The following RYR3 variants were observed in gnomAD, a reference collection of about 807,000 sequenced individuals.
The protein encoded by RYR3 is brain ryanodine receptor-calcium release channel.
RYR3 carries 207 observed loss-of-function variants against 584.3 expected under a neutral mutation model. The ratio of observed to expected loss-of-function variants is 0.35; its 90% confidence interval spans 0.32 to 0.40. The LOEUF (loss-of-function observed/expected upper bound fraction) is 0.40. Among genes scored for constraint, RYR3 ranks in the 10% least tolerant of loss-of-function variants. The pLI, the probability that RYR3 is intolerant of heterozygous loss-of-function variation, is 1.00. For synonymous variants in RYR3, 2,416 were observed against 2,248.5 expected, an observed-to-expected ratio of 1.07 and a Z score of -2.11; for missense variants, 5,616 against 6,089.2, an observed-to-expected ratio of 0.92 and a Z score of 2.59.
At chr15:33,527,452 C>T (rs1481864170) in intron 3 of RYR3, among the ~76,000 whole-genome samples, 1 of 151,930 alleles carries the variant, frequency 6.6e-6, no homozygotes, top group Non-Finnish European at 1.5e-5. Context: ...TGGCAGTGCA[C>T]ACCAGTAATC....
At chr15:33,677,826 C>T in intron 38 of RYR3, among the ~76,000 whole-genome samples, 1 of 152,154 alleles carries the variant, frequency 6.6e-6, no homozygotes, top group East Asian at 1.9e-4. Flanking sequence ...CTGTCACGAG[C>T]CTATCTAGAC....
chr15:33,708,267 C>T (rs1055787284), intron 43 of RYR3, among the ~76,000 whole-genome samples: 13 of 152,154 alleles, frequency 8.5e-5, no homozygotes, highest in Non-Finnish European at 1.5e-4. Context: ...AGAATTTATA[C>T]AGCTCGCCAA....
At chr15:33,711,807 TC>T (rs2067141852) in intron 43 of RYR3, among the ~76,000 whole-genome samples, 2 of 152,214 alleles carry the variant, frequency 1.3e-5, no homozygotes, top group African/African-American at 4.8e-5. Context: ...TTCCAAACTT[TC>T]TATCATCTTC....
chr15:33,687,634 G>A (rs1004531957), intron 38 of RYR3, among the ~76,000 whole-genome samples: 2 of 152,158 alleles, frequency 1.3e-5, no homozygotes, highest in Non-Finnish European at 2.9e-5. Context: ...GAACTAAGCT[G>A]GAGGCATCAC....
chr15:33,446,255 G>A lies in RYR3; in HGVS notation c.52-27164G>A, dbSNP rs554180323. 5.9e-5 allele frequency among the ~76,000 whole-genome samples: 9 copies of A among 152,240 alleles called. No individual in the cohort carries two copies. The East Asian group carries it at 9.7e-4, about 16-fold the overall frequency. On this transcript the variant is annotated intron_variant, in intron 1 of 103. Transcript: ENST00000634891. ...AGGCAAGAGATTGAGATTTTCTTTC[G>A]AAATTGAAGACTTAGGACAACTGAG...
At chr15:33,434,758 T>C (rs1567228505) in intron 1 of RYR3, among the ~76,000 whole-genome samples, 1 of 152,208 alleles carries the variant, frequency 6.6e-6, no homozygotes, top group African/African-American at 2.4e-5. Flanking sequence ...CTCTTCTCTT[T>C]AGTGTTTGCT....
chr15:33,539,373 C>G lies in RYR3; in HGVS notation c.457C>G (p.His153Asp). ...AGGAGAAGCCTGTTGGTGGACTATA[C>G]ATCCTGCTTCCAAACAGAGGTCCGA... Reference protein sequence around the residue: ...ATGEACWWTIHPASKQRSEGE... With the variant: ...ATGEACWWTIDPASKQRSEGE... Residue 153 changes from histidine (H) to aspartate (D), a missense_variant, in exon 6 of 104, where the codon CAT becomes GAT. This residue lies in a region of RYR3 where 1,284 missense variants were observed against 1,344.6 expected (regional missense o/e 0.95). Coordinates refer to ENST00000634891, the MANE Select transcript of RYR3 (RefSeq NM_001036.6). 1 of 1,596,582 alleles carries G rather than the reference C, an allele frequency of 6.3e-7. No homozygotes were observed. The highest frequency in any genetic ancestry group is 8.5e-7 in the Non-Finnish European group (1 of 1,170,874).
At position 33,844,967 on chromosome 15, in the gene RYR3, G is replaced by A; in HGVS notation, c.13402G>A (p.Glu4468Lys). The A allele has an allele frequency of 6.2e-7, 1 of 1,613,972 alleles. No homozygotes were observed. Among genetic ancestry groups the A allele is most frequent in the Non-Finnish European group, 8.5e-7 (1 of 1,179,880 alleles). The change falls in exon 93 of 104, where the codon GAG becomes AAG. Residue 4468 changes from glutamate (E) to lysine (K), a missense_variant. By Grantham distance (56) the Glu-to-Lys change is moderately conservative. Around this residue, in one of 9 missense-constraint regions of RYR3, gnomAD observed 918 missense variants for 887.4 expected, o/e 1.03. Transcript: ENST00000634891. ...AGCGATGGTATTCTTTGTCCTTCAG[G>A]AGAGCACCGGGTATATGGCACCAAC... ...EEAMVFFVLQESTGYMAPTLR... is the reference protein window; with the variant it reads ...EEAMVFFVLQKSTGYMAPTLR...
At chr15:33,509,030 T>C (rs1319386515) in intron 3 of RYR3, among the ~76,000 whole-genome samples, 1 of 152,180 alleles carries the variant, frequency 6.6e-6, no homozygotes, top group Non-Finnish European at 1.5e-5. Flanking sequence ...AGAGTGCATG[T>C]CATGAGATAC....
chr15:33,522,051 C>T (rs1409177226), intron 3 of RYR3, among the ~76,000 whole-genome samples: 5 of 145,566 alleles, frequency 3.4e-5, no homozygotes, highest in Admixed American at 2.8e-4. Context: ...GTCATGAGTT[C>T]GAGACCAGCC....
In RYR3 at chr15:33,749,929, G is replaced by C. The variant is rs376752612; in HGVS notation, c.8200-50G>C. The stretch of plus-strand genomic sequence containing the variant: ...AAATGACCTAGCAGCTATGAAGCCA[G>C]CTTGCCTGCTTTCTTTCTTTTTGAC... On this transcript the variant is annotated intron_variant, in intron 55 of 103. Transcript: ENST00000634891. The C allele has an allele frequency of 5.1e-6, 8 of 1,554,606 alleles. No homozygotes were observed. The African/African-American group carries it at 9.5e-5, about 18-fold the overall frequency.
intron 1 of RYR3, among the ~76,000 whole-genome samples, chr15:33,386,995 C>T (rs1183081237): frequency 6.6e-6 from 1 of 151,868 alleles, no homozygotes; most frequent in East Asian, 1.9e-4. Flanking sequence ...GTAGCTGGGA[C>T]TACAGGCGCC....
At chr15:33,519,134 T>C (rs536785966) in intron 3 of RYR3, among the ~76,000 whole-genome samples, 1 of 152,170 alleles carries the variant, frequency 6.6e-6, no homozygotes, top group South Asian at 2.1e-4. Context: ...CTAGAATGCA[T>C]GGGGGGCAGT....
chr15:33,627,908 T>G (rs763699088), intron 20 of RYR3, among the ~76,000 whole-genome samples: 14 of 152,124 alleles, frequency 9.2e-5, no homozygotes, highest in Non-Finnish European at 2.1e-4. Context: ...GTTTCATGAC[T>G]GATTAGATGG....
chr15:33,353,794 A>G (rs1049316734), intron 1 of RYR3, among the ~76,000 whole-genome samples: 17 of 152,058 alleles, frequency 1.1e-4, no homozygotes, highest in African/African-American at 4.1e-4. Flanking sequence ...AGGTAGGTCT[A>G]GGGCAGATAT....
At chr15:33,713,025 A>T (rs1222009374) in intron 43 of RYR3, among the ~76,000 whole-genome samples, 1 of 152,220 alleles carries the variant, frequency 6.6e-6, no homozygotes, top group East Asian at 1.9e-4. Flanking sequence ...TGAAATGGGA[A>T]AACTGTAATA....
At chr15:33,795,163 G>T (rs894819716) in intron 67 of RYR3, among the ~76,000 whole-genome samples, 2 of 151,904 alleles carry the variant, frequency 1.3e-5, no homozygotes, top group African/African-American at 2.4e-5. Flanking sequence ...TTAAACCTTT[G>T]TACTGTTTTC....
chr15:33,366,971 T>C (rs1161225830), intron 1 of RYR3, among the ~76,000 whole-genome samples: 3 of 152,198 alleles, frequency 2.0e-5, no homozygotes, highest in East Asian at 3.8e-4. Context: ...CTGGATGACA[T>C]TGGGTGTACC....
intron 1 of RYR3, among the ~76,000 whole-genome samples, chr15:33,453,006 C>G (rs7179804): frequency 0.03 from 4,502 of 152,232 alleles, 125 homozygotes; most frequent in African/African-American, 0.068. Flanking sequence ...CCTCCTGGCT[C>G]CAACCTTTCT....
Sources: allele counts gnomAD v4.1 joint callset (sites outside exome capture counted in the v4.1 genomes callset), GRCh38; gene constraint gnomAD v4.1.1; regional missense constraint gnomAD v4.1.1; transcripts MANE v1.5; gene names NCBI Gene and HGNC (gene_info 2026-07-23, HGNC 2026-07-21).